Variants in INTU observed in about 807,000 individuals in gnomAD.
INTU encodes the protein protein inturned.
A neutral mutation model predicts 100.5 loss-of-function variants in INTU; 68 were observed. The ratio of observed to expected loss-of-function variants is 0.68; its 90% CI spans 0.56 to 0.83. INTU has a LOEUF of 0.83. Among genes scored for constraint, INTU ranks in the 40% least tolerant of loss-of-function variants. INTU has a pLI of 0.00. For synonymous variants in INTU, 357 were observed against 395.7 expected (o/e 0.90, Z 1.16); for missense variants, 1,071 against 1,114.7 (o/e 0.96, Z 0.56).
chr4:127,704,089 T>C (rs1013939801), intron 9 of INTU, 139 bp from the exon 10 acceptor site: 1 of 624,284 alleles, frequency 1.6e-6, no homozygotes, highest in African/African-American at 1.8e-5. Context: ...AATATTCTGG[T>C]ATATTGATTT....
At chr4:127,703,385 C>G (rs1380404461) in intron 9 of INTU, among the ~76,000 whole-genome samples, 1 of 152,180 alleles carries the variant, frequency 6.6e-6, no homozygotes, top group East Asian at 1.9e-4. Flanking sequence ...TCGCTTATCC[C>G]TTTCTCTCAC....
Position 127,663,344 on chromosome 4 carries a change from T to C in INTU, c.769-37T>C, listed in dbSNP as rs754416293. 2.6e-6 allele frequency: 4 copies of C among 1,516,260 alleles called. No individual in the cohort carries two copies. The South Asian group carries it at 4.6e-5, about 18-fold the overall frequency. The allele number at this position is 1,516,260 out of a possible 1,614,324, so 93.9% of individuals were successfully genotyped here. On this transcript the variant is annotated intron_variant, in intron 3 of 15. Transcript: ENST00000335251. ...TGTGAAAACTGCAGCTGATTTTCCCTTGTCGAAAAGTCAACACATTGTTTT... is the reference window on the plus strand; with the variant it reads ...TGTGAAAACTGCAGCTGATTTTCCCCTGTCGAAAAGTCAACACATTGTTTT...
chr4:127,681,941 A>C (rs1729581257), intron 6 of INTU, among the ~76,000 whole-genome samples: 1 of 152,078 alleles, frequency 6.6e-6, no homozygotes, highest in South Asian at 2.1e-4. Context: ...AAAGTGGGCG[A>C]AGGACATGAA....
rs534991027 is a variant in INTU at position 127,724,377 on chromosome 4, A to G, written c.*7941A>G. Reference sequence around the variant, plus strand: ...AGAGGTTGCAGTGAGCCAAGATCACACCACCGCACTTCTGCCTGTGGAACA... The same window carrying G: ...AGAGGTTGCAGTGAGCCAAGATCACGCCACCGCACTTCTGCCTGTGGAACA... On this transcript the variant is annotated 3_prime_UTR_variant, in exon 16 of 16. Coordinates refer to ENST00000335251, the MANE Select transcript of INTU (RefSeq NM_015693.4). 6 of 151,042 alleles carry G rather than the reference A, an allele frequency of 4.0e-5. No homozygotes were observed. Among genetic ancestry groups the G allele is most frequent in the East Asian group, 2.0e-4 (1 of 5,116 alleles). 9.4% of individuals were successfully genotyped at this position (151,042 alleles called of 1,614,324 possible). A position where few individuals can be genotyped will look rare whatever the true frequency, so the allele number is the denominator to read the frequency against.
chr4:127,709,711 TCACACACACA>T (rs3066389), intron 13 of INTU, among the ~76,000 whole-genome samples: 5 of 143,302 alleles, frequency 3.5e-5, no homozygotes, highest in Non-Finnish European at 7.6e-5. Context: ...CTAATAGAAT[TCACACACACA>T]CACACACACA....
chr4:127,634,048 C>T (rs1440119778), intron 1 of INTU, among the ~76,000 whole-genome samples: 2 of 152,124 alleles, frequency 1.3e-5, no homozygotes, highest in African/African-American at 2.4e-5. Flanking sequence ...TATTTAGGAA[C>T]AACAGTTACA....
At chr4:127,641,991 C>A (rs375290269) in intron 1 of INTU, among the ~76,000 whole-genome samples, 2 of 152,116 alleles carry the variant, frequency 1.3e-5, no homozygotes, top group Admixed American at 1.3e-4. Flanking sequence ...AAGGCTGATA[C>A]ACTTTATTCA....
At chr4:127,714,847 G>T (rs1731214442) in intron 15 of INTU, among the ~76,000 whole-genome samples, 1 of 152,032 alleles carries the variant, frequency 6.6e-6, no homozygotes, top group Non-Finnish European at 1.5e-5. Flanking sequence ...TGATAAACAT[G>T]TGATGGCTGA....
At chr4:127,676,709 A>G (rs993968425) in intron 6 of INTU, among the ~76,000 whole-genome samples, 1 of 152,098 alleles carries the variant, frequency 6.6e-6, no homozygotes, top group Non-Finnish European at 1.5e-5. Flanking sequence ...CATCTGAGGT[A>G]CCGGGTTCAT....
In INTU at chr4:127,687,766, T is replaced by G. The variant is rs1360415151; in HGVS notation, c.1348T>G (p.Ser450Ala). Residue 450 changes from serine (S) to alanine (A), a missense_variant, in exon 8 of 16, where the codon TCC (serine) becomes GCC (alanine). Ser to Ala is a moderately conservative substitution (Grantham distance 99, BLOSUM62 1). Coordinates refer to ENST00000335251, the MANE Select transcript of INTU (RefSeq NM_015693.4). The part of the protein sequence containing the change: ...QRALQPAKLH[S>A]SASPSAQQYD... ...AGCACTTCAGCCTGCGAAACTGCAT[T>G]CCAGCGCCAGTCCCAGTGCTCAGCA... 6.2e-6 allele frequency: 10 copies of G among 1,613,638 alleles called. No homozygotes were observed. Among genetic ancestry groups the G allele is most frequent in the Non-Finnish European group, 8.5e-6 (10 of 1,179,730 alleles).
chr4:127,644,091 C>T (rs1390072939), intron 2 of INTU, 35 bp downstream of exon 2: 1 of 1,573,404 alleles, frequency 6.4e-7, no homozygotes, highest in Non-Finnish European at 8.6e-7. Context: ...TCCCTGTTTA[C>T]AGAGATCTTG....
At chr4:127,656,095 C>T (rs1021132237) in intron 2 of INTU, among the ~76,000 whole-genome samples, 20 of 152,242 alleles carry the variant, frequency 1.3e-4, no homozygotes, top group Admixed American at 9.2e-4. Flanking sequence ...ACACGGTGTG[C>T]GCACCCACTG....
At chr4:127,695,258 A>T (rs1232690524) in intron 8 of INTU, among the ~76,000 whole-genome samples, 1 of 152,128 alleles carries the variant, frequency 6.6e-6, no homozygotes, top group Non-Finnish European at 1.5e-5. Flanking sequence ...GGTACATGGT[A>T]TTGTGTTTTT....
intron 6 of INTU, among the ~76,000 whole-genome samples, chr4:127,682,394 C>T (rs1729611740): frequency 6.6e-6 from 1 of 151,898 alleles, no homozygotes; most frequent in Non-Finnish European, 1.5e-5. Flanking sequence ...GAAAATGTGG[C>T]ATATATATAC....
At chr4:127,673,974 C>A in intron 5 of INTU, 150 bp from the exon 6 acceptor site, 1 of 439,604 alleles carries the variant, frequency 2.3e-6, no homozygotes, top group Non-Finnish European at 3.9e-6. Flanking sequence ...TAATTCCTTG[C>A]GTTTTTTATG....
intron 4 of INTU, among the ~76,000 whole-genome samples, chr4:127,665,756 G>T (rs770836696): frequency 2.6e-5 from 4 of 152,092 alleles, no homozygotes; most frequent in Non-Finnish European, 5.9e-5. Context: ...GAGAAGGCAG[G>T]CAGTATCACA....
At chr4:127,635,758 A>T (rs1032534262) in intron 1 of INTU, among the ~76,000 whole-genome samples, 3 of 152,222 alleles carry the variant, frequency 2.0e-5, no homozygotes, top group African/African-American at 7.2e-5. Flanking sequence ...GAAAATGAAC[A>T]TATCCATCTC....
Position 127,720,512 on chromosome 4 carries a change from C to T in INTU, c.*4076C>T, listed in dbSNP as rs1731331268. 6.6e-6 allele frequency: 1 copy of T among 152,146 alleles called. No homozygotes were observed. The highest frequency in any genetic ancestry group is 2.4e-5 in the African/African-American group (1 of 41,420). 9.4% of individuals were successfully genotyped at this position (152,146 alleles called of 1,614,324 possible). A position where few individuals can be genotyped will look rare whatever the true frequency, so the allele number is the denominator to read the frequency against. On this transcript the variant is annotated 3_prime_UTR_variant, in exon 16 of 16. Coordinates refer to ENST00000335251, the MANE Select transcript of INTU (RefSeq NM_015693.4). ...TTATCAGGTCCCACTTGATCCAGAGCTGAGGTCAAGTCCTGAATAACTTTG... is the reference window on the plus strand; with the variant it reads ...TTATCAGGTCCCACTTGATCCAGAGTTGAGGTCAAGTCCTGAATAACTTTG...
chr4:127,668,284 A>G (rs1728781776), intron 4 of INTU, among the ~76,000 whole-genome samples: 1 of 151,998 alleles, frequency 6.6e-6, no homozygotes, highest in African/African-American at 2.4e-5. Context: ...TGTAAAAACT[A>G]TCTGTTTCCC....
Sources: allele counts gnomAD v4.1 joint callset (sites outside exome capture counted in the v4.1 genomes callset), GRCh38; gene constraint gnomAD v4.1.1; transcripts MANE v1.5; gene names NCBI Gene and HGNC (gene_info 2026-07-23, HGNC 2026-07-21).